Variants in ANKRD13A observed in about 807,000 individuals in gnomAD.
The protein encoded by ANKRD13A is ankyrin repeat domain 13A, also known as ankyrin repeat domain-containing protein 13A.
Under a neutral mutation model 81.3 loss-of-function variants are expected in ANKRD13A, and 48 were observed. The observed-to-expected ratio is 0.59, with a 90% confidence interval of 0.47 to 0.75. ANKRD13A has a LOEUF of 0.75. Among genes scored for constraint, ANKRD13A ranks in the 30% least tolerant of loss-of-function variants. The probability of loss-of-function intolerance (pLI) is 0.00; values close to 1 mark genes in which losing one functional copy is unlikely to be tolerated. For synonymous variants in ANKRD13A, 230 were observed against 270.1 expected, an observed-to-expected ratio of 0.85 and a Z score of 1.45; for missense variants, 612 against 734.0, an observed-to-expected ratio of 0.83 and a Z score of 1.92.
rs772901756 is a variant in ANKRD13A at position 110,012,153 on chromosome 12, C to A, written c.229+16C>A. Reference sequence around the variant, plus strand: ...GGATGGACAGGTAAGTATACTTTTACAATAATTTAAAGTCCGTCTGAGCAC... The same window carrying A: ...GGATGGACAGGTAAGTATACTTTTAAAATAATTTAAAGTCCGTCTGAGCAC... On this transcript the variant is annotated intron_variant, in intron 2 of 14. Transcript: ENST00000261739. 13 of 1,590,878 alleles carry A rather than the reference C, an allele frequency of 8.2e-6. No homozygotes were observed. The highest frequency in any genetic ancestry group is 1.3e-5 in the African/African-American group (1 of 74,470).
At chr12:110,014,400 A>C (rs1267100128) in intron 3 of ANKRD13A, among the ~76,000 whole-genome samples, 1 of 152,234 alleles carries the variant, frequency 6.6e-6, no homozygotes, top group African/African-American at 2.4e-5. Context: ...TGACAGAGCG[A>C]GACTCCATCT....
At chr12:110,002,582 C>G (rs1419003383) in intron 1 of ANKRD13A, among the ~76,000 whole-genome samples, 2 of 152,188 alleles carry the variant, frequency 1.3e-5, no homozygotes, top group African/African-American at 2.4e-5. Context: ...TGCCACTGCA[C>G]TCCAGGCTGG....
chr12:110,010,766 C>T (rs1318914739), intron 1 of ANKRD13A, among the ~76,000 whole-genome samples: 2 of 152,198 alleles, frequency 1.3e-5, no homozygotes, highest in African/African-American at 4.8e-5. Context: ...ATAGTTTTCG[C>T]AAAACAGGGA....
At position 110,018,441 on chromosome 12, in the gene ANKRD13A, A is replaced by C. The variant is rs1325238007; in HGVS notation, c.497A>C (p.Asn166Thr). ...RVDITLLGFE[N>T]MSWIRGRRSF... ...GATATCACATTGCTGGGATTTGAAA[A>C]CATGAGCTGGATAAGAGGGAGGCGT... The change falls in exon 5 of 15, where the codon AAC becomes ACC. Residue 166 changes from asparagine (N) to threonine (T), a missense_variant. Transcript: ENST00000261739. This position sits in a 1 kb window ranked among gnomAD's most constrained non-coding sequence, Gnocchi z 4.4. 1 of 1,614,064 alleles carries C rather than the reference A, an allele frequency of 6.2e-7. No individual in the cohort carries two copies. The highest frequency in any genetic ancestry group is 8.5e-7 in the Non-Finnish European group (1 of 1,180,042).
intron 6 of ANKRD13A, 64 bp downstream of exon 6, chr12:110,019,392 T>C: frequency 7.0e-7 from 1 of 1,424,580 alleles, no homozygotes; most frequent in Non-Finnish European, 9.4e-7. Context: ...GTGACATGTA[T>C]GTATTAATTG....
intron 12 of ANKRD13A, among the ~76,000 whole-genome samples, chr12:110,031,476 A>T (rs1311370857): frequency 6.6e-6 from 1 of 151,738 alleles, no homozygotes; most frequent in African/African-American, 2.4e-5. Flanking sequence ...CTAGTCTCCC[A>T]AGTAGCTGGG....
At chr12:110,002,967 G>A (rs1890058564) in intron 1 of ANKRD13A, among the ~76,000 whole-genome samples, 1 of 152,178 alleles carries the variant, frequency 6.6e-6, no homozygotes, top group African/African-American at 2.4e-5. Context: ...ATCAGCAGAG[G>A]CATTTAATAA....
intron 1 of ANKRD13A, among the ~76,000 whole-genome samples, chr12:110,009,176 G>A (rs1387451011): frequency 6.6e-6 from 1 of 152,130 alleles, no homozygotes; most frequent in East Asian, 1.9e-4. Context: ...CCGCCTTCCG[G>A]GTTCAAGCAA....
Position 110,037,566 on chromosome 12 carries a change from TGTGAGCCTCTGCACAAAGCAGAGG to T in ANKRD13A, c.*13_*36del. ...TCACTGACAAATAGACCTTTCAGCC[TGTGAGCCTCTGCACAAAGCAGAGG>T]CTGTGGGCTGTCACAGATGCTGTGT... is the stretch of plus-strand genomic sequence containing the variant. On this transcript the variant is annotated 3_prime_UTR_variant, in exon 15 of 15. Transcript: ENST00000261739. 6.2e-7 allele frequency: 1 copy of T among 1,609,870 alleles called. No individual in the cohort carries two copies.
intron 8 of ANKRD13A, among the ~76,000 whole-genome samples, chr12:110,026,255 G>A (rs183322483): frequency 0.02 from 2,918 of 146,364 alleles, 50 homozygotes; most frequent in Non-Finnish European, 0.024. Flanking sequence ...GTGAGCCACC[G>A]TGCCTGGCCC....
At chr12:110,026,479 A>T (rs1251858936) in intron 8 of ANKRD13A, among the ~76,000 whole-genome samples, 1 of 151,784 alleles carries the variant, frequency 6.6e-6, no homozygotes, top group Non-Finnish European at 1.5e-5. Flanking sequence ...CAGGAGGCTG[A>T]GGCAGGAGAA....
chr12:110,001,352 C>A (rs969164366), intron 1 of ANKRD13A, among the ~76,000 whole-genome samples: 3 of 151,606 alleles, frequency 2.0e-5, no homozygotes, highest in Admixed American at 2.0e-4. Context: ...ATGGGTGCTG[C>A]AAGCTGTGTG....
At position 110,036,222 on chromosome 12, in the gene ANKRD13A, C is replaced by G. The variant is rs1424965497; in HGVS notation, c.1510-39C>G. ...CTTACCAGAATGGCACCAATTTCTC[C>G]TAAGACGTATTCATGTCTATCACAT... On this transcript the variant is annotated intron_variant, in intron 13 of 14. Transcript: ENST00000261739. The surrounding 1 kb of genome is among the most constrained non-coding windows in gnomAD (Gnocchi z 4.6). 6.3e-7 allele frequency: 1 copy of G among 1,591,200 alleles called. No individual in the cohort carries two copies.
intron 3 of ANKRD13A, among the ~76,000 whole-genome samples, chr12:110,014,973 A>T (rs1890718252): frequency 6.6e-6 from 1 of 151,264 alleles, no homozygotes; most frequent in Non-Finnish European, 1.5e-5. Flanking sequence ...TATTTTTAGT[A>T]GAGATGGGGT....
At chr12:110,019,373 C>T in intron 6 of ANKRD13A, 45 bp downstream of exon 6, 1 of 1,512,954 alleles carries the variant, frequency 6.6e-7, no homozygotes, top group Non-Finnish European at 8.9e-7. Flanking sequence ...CCCCATGCTG[C>T]CATCTTGAGT....
At chr12:110,017,655 C>T (rs1463203190) in intron 4 of ANKRD13A, among the ~76,000 whole-genome samples, 1 of 152,050 alleles carries the variant, frequency 6.6e-6, no homozygotes, top group Non-Finnish European at 1.5e-5. Context: ...ATACTTAGGC[C>T]GGATGCGGTG....
At chr12:110,003,210 G>T (rs1202932101) in intron 1 of ANKRD13A, among the ~76,000 whole-genome samples, 1 of 152,152 alleles carries the variant, frequency 6.6e-6, no homozygotes, top group Admixed American at 6.5e-5. Context: ...TGAGGTGGAG[G>T]GTGGCAAATG....
rs540927990 is a variant in ANKRD13A, at chr12:110,038,228, A to G, written c.*674A>G. The G allele has an allele frequency of 6.5e-6, 1 of 152,810 alleles. No individual in the cohort carries two copies. The highest frequency in any genetic ancestry group is 2.1e-4 in the South Asian group (1 of 4,830). The allele number at this position is 152,810 out of a possible 1,614,324, so 9.5% of individuals were successfully genotyped here. A position where few individuals can be genotyped will look rare whatever the true frequency, so the allele number is the denominator to read the frequency against. ...CATGGATGTTGCCTTAGCCTTAAAC[A>G]TTACTAATAGTTTCACATCACCTCA... is the stretch of plus-strand genomic sequence containing the variant. On this transcript the variant is annotated 3_prime_UTR_variant, in exon 15 of 15. Transcript: ENST00000261739.
At chr12:110,011,610 C>G (rs180896876) in intron 1 of ANKRD13A, among the ~76,000 whole-genome samples, 2 of 152,310 alleles carry the variant, frequency 1.3e-5, no homozygotes, top group Admixed American at 1.3e-4. Context: ...ACTTCCTATT[C>G]TAGACTTGAA....
Sources: gnomAD v4.1 joint callset for allele counts (sites outside exome capture counted in the v4.1 genomes callset) on GRCh38, gnomAD v4.1.1 for gene constraint, Gnocchi (gnomAD v3.1) non-coding constraint, MANE v1.5 for transcripts, NCBI Gene and HGNC (gene_info 2026-07-23, HGNC 2026-07-21) for gene names.